RORA: variants seen among roughly 807,000 people sequenced by gnomAD.
RORA encodes nuclear receptor ROR-alpha.
In RORA, 7 loss-of-function variants were observed where a neutral mutation model predicts 69.5. The observed-to-expected ratio is 0.10, with a 90% CI of 0.06 to 0.19. The LOEUF (loss-of-function observed/expected upper bound fraction) is 0.19. Ranked by LOEUF, RORA falls within the 10% of genes least tolerant of loss-of-function variation. The probability of loss-of-function intolerance (pLI) is 1.00; values close to 1 mark genes in which losing one functional copy is unlikely to be tolerated. For synonymous variants in RORA, 261 were observed against 240.8 expected, an observed-to-expected ratio of 1.08 and a Z score of -0.78; for missense variants, 457 against 663.0, an observed-to-expected ratio of 0.69 and a Z score of 3.41.
intron 1 of RORA, among the ~76,000 whole-genome samples, chr15:60,698,813 G>C (rs1364729199): frequency 6.6e-6 from 1 of 151,958 alleles, no homozygotes; most frequent in Admixed American, 6.6e-5. Flanking sequence ...GGCTAAAAAG[G>C]TGTCCCTTTA....
Position 60,573,597 on chromosome 15 carries a change from C to T in RORA, c.197-41746G>A, listed in dbSNP as rs190914849. ...CCGTAGAATGAGGGTGAGAGCCTGT[C>T]ATAGTTCAGACCCCACCGGTCTCCT... is the stretch of plus-strand genomic sequence containing the variant. On this transcript the variant is annotated intron_variant, in intron 2 of 10. Coordinates refer to ENST00000335670, the MANE Select transcript of RORA (RefSeq NM_134261.3). Among the ~76,000 whole-genome samples, 31 of 152,302 alleles carry T rather than the reference C, an allele frequency of 2.0e-4. No individual in the cohort carries two copies. In the East Asian group the frequency reaches 4.8e-3, roughly 24 times the overall value.
chr15:60,561,075 TG>T (rs1308624412), intron 2 of RORA, among the ~76,000 whole-genome samples: 21 of 129,736 alleles, frequency 1.6e-4, no homozygotes, highest in Middle Eastern at 3.8e-3. Flanking sequence ...TTTTTTGTTT[TG>T]TTTTTGTTTT....
intron 6 of RORA, among the ~76,000 whole-genome samples, chr15:60,504,612 C>T (rs1231046676): frequency 6.6e-6 from 1 of 152,168 alleles, no homozygotes; most frequent in Non-Finnish European, 1.5e-5. Flanking sequence ...ATCTCTGACT[C>T]TAAAATCCTA....
chr15:60,871,613 A>G (rs1421754614), intron 1 of RORA, among the ~76,000 whole-genome samples: 2 of 152,218 alleles, frequency 1.3e-5, no homozygotes, highest in African/African-American at 4.8e-5. Context: ...CCTATATTCC[A>G]AAGCTGAATG....
At chr15:60,783,913 A>G (rs528889724) in intron 1 of RORA, among the ~76,000 whole-genome samples, 1 of 152,336 alleles carries the variant, frequency 6.6e-6, no homozygotes, top group East Asian at 1.9e-4. Flanking sequence ...ACTGGCAAAG[A>G]AGAGAATTTG....
intron 1 of RORA, among the ~76,000 whole-genome samples, chr15:61,011,700 C>G (rs1317939700): frequency 6.6e-6 from 1 of 152,120 alleles, no homozygotes. Context: ...TTGCTGGGTA[C>G]CTGGCATTTA....
At chr15:61,019,171 C>G (rs1895413375) in intron 1 of RORA, among the ~76,000 whole-genome samples, 1 of 152,202 alleles carries the variant, frequency 6.6e-6, no homozygotes. Flanking sequence ...CAGAACATGC[C>G]CAGCGGAATA....
chr15:60,946,279 C>T (rs769277770), intron 1 of RORA, among the ~76,000 whole-genome samples: 14 of 152,180 alleles, frequency 9.2e-5, no homozygotes, highest in Admixed American at 3.3e-4. Flanking sequence ...CCCACGGTCT[C>T]CCTCTCCCTC....
In RORA at chr15:60,749,903, G is replaced by A. The variant is rs142685653; in HGVS notation, c.167-71217C>T. Among the ~76,000 whole-genome samples the A allele has an allele frequency of 1.8e-3, 281 of 152,146 alleles. 1 individual carries two copies. Among genetic ancestry groups the A allele is most frequent in the African/African-American group, 6.2e-3 (259 of 41,494 alleles). ...AAATTAGTCTGACGTGGTAGTGTGC[G>A]CCTGTAGTCCCAGCTACTCAGGAGG... On this transcript the variant is annotated intron_variant, in intron 1 of 10. Coordinates refer to ENST00000335670, the MANE Select transcript of RORA (RefSeq NM_134261.3).
chr15:60,820,494 G>A (rs1006524606), intron 1 of RORA, among the ~76,000 whole-genome samples: 1 of 152,178 alleles, frequency 6.6e-6, no homozygotes, highest in Non-Finnish European at 1.5e-5. Context: ...AAGGGCTGGT[G>A]AAAATGAGGC....
intron 1 of RORA, among the ~76,000 whole-genome samples, chr15:61,159,335 C>G (rs2079473976): frequency 6.6e-6 from 1 of 152,106 alleles, no homozygotes; most frequent in South Asian, 2.1e-4. Context: ...AACATTAAGC[C>G]ATCATTTAAC....
At chr15:60,896,306 C>T (rs1891229532) in intron 1 of RORA, among the ~76,000 whole-genome samples, 1 of 152,196 alleles carries the variant, frequency 6.6e-6, no homozygotes, top group African/African-American at 2.4e-5. Flanking sequence ...TCTTAGACAT[C>T]GTTGGTACCA....
chr15:60,735,576 G>GAA (rs562172056), intron 1 of RORA, among the ~76,000 whole-genome samples: 8 of 135,234 alleles, frequency 5.9e-5, no homozygotes, highest in Admixed American at 4.3e-4. Flanking sequence ...GGGAAAAAAG[G>GAA]AAAAAAAAAA....
At chr15:60,770,751 T>A (rs1229032826) in intron 1 of RORA, among the ~76,000 whole-genome samples, 1 of 152,134 alleles carries the variant, frequency 6.6e-6, no homozygotes, top group Non-Finnish European at 1.5e-5. Flanking sequence ...GCCTCCTGAG[T>A]AGCTGAGACT....
At chr15:60,697,240 G>A (rs1396798427) in intron 1 of RORA, among the ~76,000 whole-genome samples, 1 of 152,188 alleles carries the variant, frequency 6.6e-6, no homozygotes, top group Admixed American at 6.5e-5. Context: ...CATTACAAAT[G>A]TTACCTCTGC....
intron 1 of RORA, among the ~76,000 whole-genome samples, chr15:61,138,066 A>G (rs1753387958): frequency 6.6e-6 from 1 of 152,228 alleles, no homozygotes; most frequent in African/African-American, 2.4e-5. Flanking sequence ...GAATAAATAC[A>G]AAATCACCTC....
intron 1 of RORA, among the ~76,000 whole-genome samples, chr15:61,218,344 C>T (rs887005927): frequency 2.6e-5 from 4 of 151,976 alleles, no homozygotes; most frequent in Non-Finnish European, 4.4e-5. Context: ...CTTGTTTTAC[C>T]GGCTAAATGT....
intron 2 of RORA, among the ~76,000 whole-genome samples, chr15:60,635,343 A>AT (rs1022284011): frequency 2.0e-5 from 3 of 152,158 alleles, no homozygotes; most frequent in South Asian, 2.1e-4. Flanking sequence ...AATAAATTAG[A>AT]TTTTTTTGAT....
At chr15:60,893,196 C>T (rs561852107) in intron 1 of RORA, among the ~76,000 whole-genome samples, 1 of 152,192 alleles carries the variant, frequency 6.6e-6, no homozygotes, top group South Asian at 2.1e-4. Context: ...TGAGAATTCC[C>T]AGAACTGGAA....
Sources: gnomAD v4.1 joint callset for allele counts (sites outside exome capture counted in the v4.1 genomes callset) on GRCh38, gnomAD v4.1.1 for gene constraint, MANE v1.5 for transcripts, NCBI Gene and HGNC (gene_info 2026-07-23, HGNC 2026-07-21) for gene names.